The following NRXN3 variants were observed in gnomAD, a reference collection of about 807,000 sequenced individuals.
The protein encoded by NRXN3 is neurexin 3, also known as neurexin III.
In NRXN3, 32 loss-of-function variants were observed where a neutral mutation model predicts 137.6. The observed-to-expected ratio is 0.23, with a 90% CI of 0.18 to 0.31. NRXN3 has a LOEUF of 0.31. Among genes scored for constraint, NRXN3 ranks in the 10% least tolerant of loss-of-function variants. The probability of loss-of-function intolerance (pLI) is 1.00; values close to 1 mark genes in which losing one functional copy is unlikely to be tolerated. For missense variants in NRXN3, 1,574 were observed against 2,062.5 expected (o/e 0.76, Z 4.59); for synonymous variants, 798 against 784.5 (o/e 1.02, Z -0.29).
Position 79,414,811 on chromosome 14 carries a change from T to A in NRXN3, c.3263-52410T>A, listed in dbSNP as rs564057870. Among the ~76,000 whole-genome samples, 21 of 152,240 alleles carry A rather than the reference T, an allele frequency of 1.4e-4. No individual in the cohort carries two copies. The Middle Eastern group carries it at 0.01, about 74-fold the overall frequency. ...CATACTCTATATTAGGTCTCCAGAA[T>A]GTATTCATCTTATAACCTAAGTTTG... On this transcript the variant is annotated intron_variant, in intron 15 of 20. Coordinates refer to ENST00000335750, the MANE Select transcript of NRXN3 (RefSeq NM_001330195.2).
At chr14:78,913,677 G>T (rs1229864687) in intron 10 of NRXN3, among the ~76,000 whole-genome samples, 2 of 152,066 alleles carry the variant, frequency 1.3e-5, no homozygotes, top group African/African-American at 4.8e-5. Context: ...TAACCATGAG[G>T]TTTAAAGTTT....
intron 6 of NRXN3, among the ~76,000 whole-genome samples, chr14:78,670,576 T>C (rs1470380449): frequency 2.0e-5 from 3 of 152,208 alleles, no homozygotes; most frequent in African/African-American, 7.2e-5. Context: ...AGTTAACTTT[T>C]ATTGAGTGTT....
intron 10 of NRXN3, among the ~76,000 whole-genome samples, chr14:78,947,482 A>G (rs1567789090): frequency 6.6e-6 from 1 of 152,230 alleles, no homozygotes; most frequent in Non-Finnish European, 1.5e-5. Flanking sequence ...TATGGCAGAT[A>G]GAACCTGAAG....
At chr14:79,544,492 C>G (rs1473676395) in intron 16 of NRXN3, among the ~76,000 whole-genome samples, 1 of 152,090 alleles carries the variant, frequency 6.6e-6, no homozygotes, top group Non-Finnish European at 1.5e-5. Context: ...GGCCATGTGA[C>G]TTGCTGGATG....
At chr14:78,371,377 C>T (rs1055428643) in intron 4 of NRXN3, among the ~76,000 whole-genome samples, 2 of 152,144 alleles carry the variant, frequency 1.3e-5, no homozygotes, top group South Asian at 4.1e-4. Context: ...CTGCTCCATC[C>T]CCCTTCCACC....
At chr14:78,455,333 AG>A (rs2094665680) in intron 4 of NRXN3, among the ~76,000 whole-genome samples, 1 of 152,174 alleles carries the variant, frequency 6.6e-6, no homozygotes, top group Admixed American at 6.5e-5. Context: ...ACACATGCTA[AG>A]GATGGAGAGG....
At chr14:79,795,377 G>A (rs1485560103) in intron 19 of NRXN3, among the ~76,000 whole-genome samples, 1 of 152,092 alleles carries the variant, frequency 6.6e-6, no homozygotes, top group East Asian at 1.9e-4. Context: ...TCCCTACCTA[G>A]AGATTTTTTA....
chr14:78,583,928 T>C lies in NRXN3; in HGVS notation c.758-61192T>C, dbSNP rs372810172. Among the ~76,000 whole-genome samples, 84 of 152,312 alleles carry C rather than the reference T, an allele frequency of 5.5e-4. 1 individual carries two copies. In the South Asian group the frequency reaches 0.016, roughly 29 times the overall value. ...CACAAATAACACAGTTACTATTTATTGAGTGTTTCTTATGTGCCAGCCACC... is the reference window on the plus strand; with the variant it reads ...CACAAATAACACAGTTACTATTTATCGAGTGTTTCTTATGTGCCAGCCACC... On this transcript the variant is annotated intron_variant, in intron 4 of 20. Coordinates refer to ENST00000335750, the MANE Select transcript of NRXN3 (RefSeq NM_001330195.2).
At chr14:78,694,377 T>C (rs2098204451) in intron 6 of NRXN3, among the ~76,000 whole-genome samples, 1 of 151,934 alleles carries the variant, frequency 6.6e-6, no homozygotes, top group Non-Finnish European at 1.5e-5. Flanking sequence ...TCTTTTCTGC[T>C]TGTAGGCTCC....
At chr14:79,289,194 A>C (rs61387635) in intron 15 of NRXN3, among the ~76,000 whole-genome samples, 1,966 of 152,288 alleles carry the variant, frequency 0.013, 47 homozygotes, top group African/African-American at 0.045. Context: ...TCTACTTCTC[A>C]GTCCTTCAAG....
At chr14:78,190,652 T>TTTATTTACTTAC (rs1295446008) in intron 1 of NRXN3, among the ~76,000 whole-genome samples, 100 of 67,456 alleles carry the variant, frequency 1.5e-3, no homozygotes, top group East Asian at 4.5e-3. Context: ...TATTTATTTA[T>TTTATTTACTTAC]TTACTTACTT....
chr14:78,321,976 C>T (rs2079428099), intron 4 of NRXN3, among the ~76,000 whole-genome samples: 1 of 151,972 alleles, frequency 6.6e-6, no homozygotes, highest in Admixed American at 6.5e-5. Flanking sequence ...AATACACACT[C>T]CCTACTTTGG....
At chr14:79,177,441 G>T (rs539012507) in intron 15 of NRXN3, among the ~76,000 whole-genome samples, 10 of 152,214 alleles carry the variant, frequency 6.6e-5, no homozygotes, top group African/African-American at 2.4e-4. Context: ...CTAAATGTGG[G>T]GAATGCTGGG....
chr14:79,829,893 C>T (rs896457798), intron 20 of NRXN3, among the ~76,000 whole-genome samples: 2 of 152,290 alleles, frequency 1.3e-5, no homozygotes, highest in South Asian at 2.1e-4. Context: ...TTGCTTCACT[C>T]AACACACTCT....
chr14:78,473,271 G>A lies in NRXN3; in HGVS notation c.758-171849G>A, dbSNP rs181169550. On this transcript the variant is annotated intron_variant, in intron 4 of 20. Transcript: ENST00000335750. ...CAAAAAATTAGCTGGGCGTGGTGGC[G>A]GGCTCCTGTAGTCCCAGCTACTCGG... 3.2e-3 allele frequency among the ~76,000 whole-genome samples: 491 copies of A among 151,828 alleles called. 8 individuals carry two copies. The highest frequency in any genetic ancestry group is 0.011 in the African/African-American group (468 of 41,390).
intron 4 of NRXN3, among the ~76,000 whole-genome samples, chr14:78,464,088 T>C (rs930296186): frequency 6.6e-6 from 1 of 150,652 alleles, no homozygotes; most frequent in Non-Finnish European, 1.5e-5. Context: ...AGTCTGGCTC[T>C]GTTCCCCAGG....
At chr14:78,359,797 G>A (rs2084852016) in intron 4 of NRXN3, among the ~76,000 whole-genome samples, 1 of 152,170 alleles carries the variant, frequency 6.6e-6, no homozygotes, top group African/African-American at 2.4e-5. Flanking sequence ...AGTGCCAAGG[G>A]CCTGGTGTGA....
At chr14:78,186,866 G>A (rs976712910) in intron 1 of NRXN3, among the ~76,000 whole-genome samples, 3 of 152,186 alleles carry the variant, frequency 2.0e-5, no homozygotes, top group Middle Eastern at 3.2e-3. Flanking sequence ...CCTAGACTTG[G>A]AAGAAAGGGG....
chr14:78,875,001 T>G (rs949611227), intron 10 of NRXN3, among the ~76,000 whole-genome samples: 6 of 152,142 alleles, frequency 3.9e-5, no homozygotes, highest in Non-Finnish European at 7.4e-5. Context: ...GAGAATTGGT[T>G]ATGGAAGAAA....
Sources: gnomAD v4.1 joint callset for allele counts (sites outside exome capture counted in the v4.1 genomes callset) on GRCh38, gnomAD v4.1.1 for gene constraint, MANE v1.5 for transcripts, NCBI Gene and HGNC (gene_info 2026-07-23, HGNC 2026-07-21) for gene names.